FAM114A2: variants seen among roughly 807,000 people sequenced by gnomAD.
FAM114A2 encodes protein FAM114A2.
Under a neutral mutation model 58.4 loss-of-function variants are expected in FAM114A2, and 53 were observed. The ratio of observed to expected loss-of-function variants is 0.91; its 90% CI spans 0.73 to 1.14. FAM114A2 has a LOEUF of 1.14. FAM114A2 is among the 50% of genes most tolerant of loss of function. The pLI, the probability that FAM114A2 is intolerant of heterozygous loss-of-function variation, is 0.00. For missense variants in FAM114A2, 601 were observed against 581.1 expected, an observed-to-expected ratio of 1.03 and a Z score of -0.35; for synonymous variants, 228 against 211.4, an observed-to-expected ratio of 1.08 and a Z score of -0.68.
intron 8 of FAM114A2, among the ~76,000 whole-genome samples, chr5:154,014,061 A>G (rs1446060993): frequency 6.6e-6 from 1 of 152,224 alleles, no homozygotes; most frequent in Non-Finnish European, 1.5e-5. Flanking sequence ...GTCTAATTCC[A>G]AAACCCATCC....
chr5:154,038,259 T>C (rs1454094224), intron 1 of FAM114A2: 3 of 152,186 alleles, frequency 2.0e-5, no homozygotes, highest in Non-Finnish European at 2.9e-5. Context: ...CACATATATA[T>C]TACGTATATA....
chr5:154,033,989 A>G (rs1468611286), intron 3 of FAM114A2, 106 bp from the exon 4 acceptor site: 3 of 730,160 alleles, frequency 4.1e-6, no homozygotes, highest in East Asian at 5.4e-5. Flanking sequence ...AAGACATGTT[A>G]TTTTGACAAT....
chr5:154,010,933 T>C (rs1156887792), intron 9 of FAM114A2, among the ~76,000 whole-genome samples: 6 of 152,128 alleles, frequency 3.9e-5, no homozygotes, highest in Admixed American at 1.3e-4. Flanking sequence ...CCCACTGGAA[T>C]CATGAGGCTG....
intron 1 of FAM114A2, 132 bp from the exon 2 acceptor site, chr5:154,035,099 C>T: frequency 1.7e-6 from 1 of 595,680 alleles, no homozygotes; most frequent in South Asian, 2.3e-5. Context: ...TCCCATATAC[C>T]TTCATCCAGT....
intron 9 of FAM114A2, among the ~76,000 whole-genome samples, chr5:154,010,531 T>C (rs548401659): frequency 3.5e-4 from 53 of 152,270 alleles, no homozygotes; most frequent in African/African-American, 1.2e-3. Flanking sequence ...CACCTCTCCC[T>C]GGCCAGGAAA....
intron 5 of FAM114A2, among the ~76,000 whole-genome samples, chr5:154,029,203 T>C (rs1772011399): frequency 6.6e-6 from 1 of 152,186 alleles, no homozygotes; most frequent in South Asian, 2.1e-4. Flanking sequence ...GGCCACCAAA[T>C]TAAGAATTCC....
chr5:153,990,519 A>G lies in FAM114A2; in HGVS notation c.*2457T>C, dbSNP rs988687223. On this transcript the variant is annotated 3_prime_UTR_variant, in exon 14 of 14. Coordinates refer to ENST00000351797, the MANE Select transcript of FAM114A2 (RefSeq NM_018691.4). The stretch of plus-strand genomic sequence containing the variant: ...ATGCTTAAAAAAAAAAAAAAAAACT[A>G]TCAAAAGCAAGTAAGGAAAATATAG... 1 of 150,428 alleles carries G rather than the reference A, an allele frequency of 6.6e-6. No homozygotes were observed. The highest frequency in any genetic ancestry group is 1.5e-5 in the Non-Finnish European group (1 of 67,656). 9.3% of individuals were successfully genotyped at this position (150,428 alleles called of 1,614,324 possible). A position where few individuals can be genotyped will look rare whatever the true frequency, so the allele number is the denominator to read the frequency against.
intron 8 of FAM114A2, among the ~76,000 whole-genome samples, chr5:154,022,408 G>C (rs1037378167): frequency 6.6e-6 from 1 of 152,132 alleles, no homozygotes; most frequent in Non-Finnish European, 1.5e-5. Context: ...CTGATATCCA[G>C]AATTTACAAA....
At chr5:154,003,310 C>T (rs1361751528) in intron 9 of FAM114A2, among the ~76,000 whole-genome samples, 1 of 151,724 alleles carries the variant, frequency 6.6e-6, no homozygotes, top group Non-Finnish European at 1.5e-5. Flanking sequence ...TCCCGAGTAG[C>T]TGGGATTACA....
chr5:154,017,232 C>T (rs1336132756), intron 8 of FAM114A2, among the ~76,000 whole-genome samples: 1 of 152,126 alleles, frequency 6.6e-6, no homozygotes, highest in African/African-American at 2.4e-5. Context: ...CACCTGAGGT[C>T]GGGAGTTCAA....
intron 12 of FAM114A2, among the ~76,000 whole-genome samples, chr5:153,996,991 TA>T (rs57110256): frequency 0.47 from 56,497 of 121,034 alleles, 12,278 homozygotes; most frequent in East Asian, 0.68. Context: ...GAGCAAAACT[TA>T]AAAAAAAAAA....
rs1401951792 is a variant in FAM114A2, at chr5:154,034,884, A to G, written c.70T>C (p.Cys24Arg). 6.2e-7 allele frequency: 1 copy of G among 1,614,052 alleles called. No individual in the cohort carries two copies. The highest frequency in any genetic ancestry group is 8.5e-7 in the Non-Finnish European group (1 of 1,179,928). ...EAAPILEDGN[C>R]EPAKNSESVD... is the part of the protein sequence containing the mutation. ...GACTCAGAATTCTTGGCTGGCTCAC[A>G]GTTTCCATCTTCAAGGATGGGGGCT... The change falls in exon 2 of 14, where the codon TGT becomes CGT. Residue 24 changes from cysteine (C) to arginine (R), a missense_variant. Coordinates refer to ENST00000351797, the MANE Select transcript of FAM114A2 (RefSeq NM_018691.4).
At chr5:153,996,292 G>A (rs1362323939) in intron 12 of FAM114A2, among the ~76,000 whole-genome samples, 3 of 152,056 alleles carry the variant, frequency 2.0e-5, no homozygotes, top group South Asian at 2.1e-4. Context: ...AGAATTTAAC[G>A]GAGGAAAGAA....
chr5:154,034,749 T>C lies in FAM114A2; in HGVS notation c.205A>G (p.Ile69Val), dbSNP rs1581843557. Residue 69 changes from isoleucine to valine, a missense_variant, in exon 2 of 14, where the codon ATT (isoleucine) becomes GTT (valine). Ile to Val is a conservative substitution (Grantham distance 29). Coordinates refer to ENST00000351797, the MANE Select transcript of FAM114A2 (RefSeq NM_018691.4). ...TTTTCTGTGGTCTGTGATACCTGAATAGGGAGAACTTTTGAAGTCTCAAGG... is the reference window on the plus strand; with the variant it reads ...TTTTCTGTGGTCTGTGATACCTGAACAGGGAGAACTTTTGAAGTCTCAAGG... ...SDLETSKVLP[I>V]QDNVSKDVPQ... 7.5e-6 allele frequency: 12 copies of C among 1,608,738 alleles called. No homozygotes were observed. The East Asian group carries it at 8.9e-5, about 12-fold the overall frequency.
chr5:154,016,263 G>A (rs1771034487), intron 8 of FAM114A2, among the ~76,000 whole-genome samples: 1 of 152,152 alleles, frequency 6.6e-6, no homozygotes, highest in Admixed American at 6.5e-5. Context: ...GAAGCTCAAA[G>A]AACATCTGGG....
intron 9 of FAM114A2, among the ~76,000 whole-genome samples, chr5:154,010,057 C>T (rs779532064): frequency 2.0e-5 from 3 of 152,026 alleles, no homozygotes; most frequent in Non-Finnish European, 2.9e-5. Flanking sequence ...AGGGAATATC[C>T]CTATCCTTAG....
intron 1 of FAM114A2, among the ~76,000 whole-genome samples, chr5:154,035,209 G>A (rs1203696018): frequency 2.0e-5 from 3 of 151,968 alleles, no homozygotes; most frequent in Admixed American, 6.5e-5. Context: ...AGTTTTAAAC[G>A]CACTCATTTG....
chr5:154,028,209 T>C lies in FAM114A2; in HGVS notation c.570A>G (p.Glu190=), dbSNP rs1581829427. The C allele has an allele frequency of 6.2e-7, 1 of 1,612,132 alleles. No individual in the cohort carries two copies. Residue 190 remains glutamate, a synonymous_variant, in exon 6 of 14, where the codon GAA becomes GAG. Transcript: ENST00000351797. ...IGKKTMDVIA[E]GDPGFKRTKG... is the part of the protein sequence containing the mutation. ...TGGTTCTTTTAAATCCAGGATCCCC[T>C]TCTGCTATCACATCCATTGTCTTTT...
Position 153,991,873 on chromosome 5 carries a change from G to C in FAM114A2, c.*1103C>G, listed in dbSNP as rs1769266069. 1 of 152,176 alleles carries C rather than the reference G, an allele frequency of 6.6e-6. No homozygotes were observed. The highest frequency in any genetic ancestry group is 6.5e-5 in the Admixed American group (1 of 15,290). The allele number at this position is 152,176 out of a possible 1,614,324, so 9.4% of individuals were successfully genotyped here. A position where few individuals can be genotyped will look rare whatever the true frequency, so the allele number is the denominator to read the frequency against. On this transcript the variant is annotated 3_prime_UTR_variant, in exon 14 of 14. Coordinates refer to ENST00000351797, the MANE Select transcript of FAM114A2 (RefSeq NM_018691.4). ...CAAAGTTGGAGAATTTTTTTAAAAA[G>C]AGTGGATACCAAAATAGCTTTTAGG...
Sources: allele counts gnomAD v4.1 joint callset (sites outside exome capture counted in the v4.1 genomes callset), GRCh38; gene constraint gnomAD v4.1.1; transcripts MANE v1.5; gene names NCBI Gene and HGNC (gene_info 2026-07-23, HGNC 2026-07-21).